NMT1: variants seen among roughly 807,000 people sequenced by gnomAD.
NMT1 encodes the protein glycylpeptide N-tetradecanoyltransferase 1.
In NMT1, 12 loss-of-function variants were observed where a neutral mutation model predicts 63.4. The ratio of observed to expected loss-of-function variants is 0.19; its 90% confidence interval spans 0.12 to 0.31. The LOEUF (loss-of-function observed/expected upper bound fraction) is 0.31, where lower values mean the gene tolerates loss of function less well. Among genes scored for constraint, NMT1 ranks in the 10% least tolerant of loss-of-function variants. The probability of loss-of-function intolerance (pLI) is 1.00; values close to 1 mark genes in which losing one functional copy is unlikely to be tolerated. For synonymous variants in NMT1, 228 were observed against 234.3 expected, an observed-to-expected ratio of 0.97 and a Z score of 0.25; for missense variants, 432 against 634.6, an observed-to-expected ratio of 0.68 and a Z score of 3.43.
In NMT1 at chr17:45,105,663, T is replaced by G. The variant is rs1462863066; in HGVS notation, c.*24T>G. ...AACCAGTCACCAGTGCGATTCTGGA[T>G]AAAGCCACTGAAAATTCGAACCAGG... On this transcript the variant is annotated 3_prime_UTR_variant, in exon 12 of 12. Transcript: ENST00000258960. This position sits in a 1 kb window ranked among gnomAD's most constrained non-coding sequence, Gnocchi z 4.2. 1 of 1,608,742 alleles carries G rather than the reference T, an allele frequency of 6.2e-7. No individual in the cohort carries two copies. The highest frequency in any genetic ancestry group is 1.7e-5 in the Admixed American group (1 of 58,774).
Position 45,098,504 on chromosome 17 carries a change from C to G in NMT1, c.836C>G (p.Ala279Gly), listed in dbSNP as rs1196654054. Reference sequence around the variant, plus strand: ...GTTCACCTGGAGGGCATCTTCCAAGCAGTTTACACTGCCGGGGTGGTACTA... The same window carrying G: ...GTTCACCTGGAGGGCATCTTCCAAGGAGTTTACACTGCCGGGGTGGTACTA... The part of the protein sequence containing the change: ...RRVHLEGIFQ[A>G]VYTAGVVLPK... The change falls in exon 7 of 12, where the codon GCA (alanine) becomes GGA (glycine). Residue 279 changes from alanine to glycine, a missense_variant. This residue lies in a region of NMT1 where 295 missense variants were observed against 489.7 expected (regional missense o/e 0.60). Transcript: ENST00000258960. The G allele has an allele frequency of 6.2e-7, 1 of 1,614,104 alleles. No individual in the cohort carries two copies. The highest frequency in any genetic ancestry group is 8.5e-7 in the Non-Finnish European group (1 of 1,180,040).
Position 45,104,492 on chromosome 17 carries a change from C to T in NMT1, c.1333-367C>T. On this transcript the variant is annotated intron_variant, in intron 10 of 11. Coordinates refer to ENST00000258960, the MANE Select transcript of NMT1 (RefSeq NM_021079.5). The surrounding 1 kb of genome is among the most constrained non-coding windows in gnomAD (Gnocchi z 4.2). ...ATGGAGTAAGGAAGCAACACAAACC[C>T]CATGTAGCTGACCAGAGCCAGCTTC... 3 of 1,107,936 alleles carry T rather than the reference C, an allele frequency of 2.7e-6. No individual in the cohort carries two copies. The highest frequency in any genetic ancestry group is 3.3e-6 in the Non-Finnish European group (3 of 904,248). The allele number at this position is 1,107,936 out of a possible 1,614,324, so 68.6% of individuals were successfully genotyped here.
Position 45,103,169 on chromosome 17 carries a change from G to A in NMT1, c.1164+48G>A, listed in dbSNP as rs765871390. ...AGGTCTCTAACACGTTCCCAGAGAG[G>A]CACCCCCCTGAGTGGCCGGGTTCCC... On this transcript the variant is annotated intron_variant, in intron 9 of 11. Coordinates refer to ENST00000258960, the MANE Select transcript of NMT1 (RefSeq NM_021079.5). The surrounding 1 kb of genome is among the most constrained non-coding windows in gnomAD (Gnocchi z 4.8). 1.3e-6 allele frequency: 2 copies of A among 1,562,946 alleles called. No homozygotes were observed. Among genetic ancestry groups the A allele is most frequent in the South Asian group, 1.2e-5 (1 of 85,780 alleles).
At chr17:45,100,249 C>T (rs1359849829) in intron 8 of NMT1, among the ~76,000 whole-genome samples, 1 of 152,118 alleles carries the variant, frequency 6.6e-6, no homozygotes, top group South Asian at 2.1e-4. Context: ...CCGCCATGCC[C>T]GGCCAATTTT....
intron 3 of NMT1, among the ~76,000 whole-genome samples, chr17:45,092,536 GA>G (rs373277962): frequency 1.1e-4 from 16 of 140,108 alleles, no homozygotes; most frequent in South Asian, 4.6e-4. Flanking sequence ...CATCTCTACT[GA>G]AAAAAAAAAA....
chr17:45,104,697 C>G lies in NMT1; in HGVS notation c.1333-162C>G. On this transcript the variant is annotated intron_variant, in intron 10 of 11. Coordinates refer to ENST00000258960, the MANE Select transcript of NMT1 (RefSeq NM_021079.5). The surrounding 1 kb of genome is among the most constrained non-coding windows in gnomAD (Gnocchi z 4.2). ...GGGGGCGCTCAGAGTGTCCTGAGAA[C>G]CACCCGGAGAGCGGGGATTAACGTG... 6.9e-7 allele frequency: 1 copy of G among 1,450,032 alleles called. No homozygotes were observed. Among genetic ancestry groups the G allele is most frequent in the Non-Finnish European group, 9.1e-7 (1 of 1,104,232 alleles). The allele number at this position is 1,450,032 out of a possible 1,614,324, so 89.8% of individuals were successfully genotyped here. A position where few individuals can be genotyped will look rare whatever the true frequency, so the allele number is the denominator to read the frequency against.
At position 45,098,518 on chromosome 17, in the gene NMT1, G is replaced by A; in HGVS notation, c.850G>A (p.Gly284Arg). Residue 284 changes from glycine to arginine, a missense_variant, in exon 7 of 12, where the codon GGG (glycine) becomes AGG (arginine). This residue lies in a region of NMT1 where 295 missense variants were observed against 489.7 expected (regional missense o/e 0.60). Coordinates refer to ENST00000258960, the MANE Select transcript of NMT1 (RefSeq NM_021079.5). Reference sequence around the variant, plus strand: ...CATCTTCCAAGCAGTTTACACTGCCGGGGTGGTACTACCAAAGCCCGTTGG... The same window carrying A: ...CATCTTCCAAGCAGTTTACACTGCCAGGGTGGTACTACCAAAGCCCGTTGG... ...EGIFQAVYTA[G>R]VVLPKPVGTC... 6.2e-7 allele frequency: 1 copy of A among 1,614,160 alleles called. No homozygotes were observed. The highest frequency in any genetic ancestry group is 8.5e-7 in the Non-Finnish European group (1 of 1,180,016).
At chr17:45,066,753 C>T (rs1186590526) in intron 1 of NMT1, among the ~76,000 whole-genome samples, 1 of 152,216 alleles carries the variant, frequency 6.6e-6, no homozygotes, top group East Asian at 1.9e-4. Context: ...CTCGCTCTGT[C>T]GTCCAGGCTA....
chr17:45,087,975 GA>G (rs1159328833), intron 3 of NMT1, among the ~76,000 whole-genome samples: 1 of 152,236 alleles, frequency 6.6e-6, no homozygotes, highest in Non-Finnish European at 1.5e-5. Context: ...CAAAGCTGCA[GA>G]ATCAGAACTG....
In NMT1 at chr17:45,089,933, T is replaced by C. The variant is rs1335490875; in HGVS notation, c.385+3281T>C. Among the ~76,000 whole-genome samples the C allele has an allele frequency of 2.6e-5, 4 of 152,088 alleles. No homozygotes were observed. In the East Asian group the frequency reaches 7.8e-4, roughly 30 times the overall value. Reference sequence around the variant, plus strand: ...GATTATAGGCGTGAGCCACTGCACCTGACTGAGACCTGCAATTCTTTAGAA... The same window carrying C: ...GATTATAGGCGTGAGCCACTGCACCCGACTGAGACCTGCAATTCTTTAGAA... On this transcript the variant is annotated intron_variant, in intron 3 of 11. Transcript: ENST00000258960.
intron 2 of NMT1, among the ~76,000 whole-genome samples, chr17:45,085,267 T>C (rs1184510885): frequency 6.6e-6 from 1 of 151,740 alleles, no homozygotes; most frequent in Non-Finnish European, 1.5e-5. Context: ...AAAAAAGAAA[T>C]TCACTGCAAC....
At chr17:45,100,251 G>A (rs2054152742) in intron 8 of NMT1, among the ~76,000 whole-genome samples, 1 of 152,194 alleles carries the variant, frequency 6.6e-6, no homozygotes, top group African/African-American at 2.4e-5. Context: ...GCCATGCCCG[G>A]CCAATTTTTG....
Position 45,079,689 on chromosome 17 carries a change from TTTTA to T in NMT1, c.132-1939_132-1936del, listed in dbSNP as rs567259232. ...ACGTGCATACACACAGACATGTTTCTTTTATTTATTTATTTATTTTTATTTTTTG... is the reference window on the plus strand; with the variant it reads ...ACGTGCATACACACAGACATGTTTCTTTTATTTATTTATTTTTATTTTTTG... On this transcript the variant is annotated intron_variant, in intron 1 of 11. Transcript: ENST00000258960. Among the ~76,000 whole-genome samples the T allele has an allele frequency of 7.2e-5, 11 of 152,288 alleles. No individual in the cohort carries two copies. The South Asian group carries it at 1.5e-3, about 20-fold the overall frequency.
chr17:45,086,671 T>G lies in NMT1; in HGVS notation c.385+19T>G, dbSNP rs765977572. On this transcript the variant is annotated intron_variant, in intron 3 of 11. Coordinates refer to ENST00000258960, the MANE Select transcript of NMT1 (RefSeq NM_021079.5). ...AAGCTGGGTATGTACATGCTTGCTTTCTTTGCCAGGTCAGGGGCGAGGGAT... is the reference window on the plus strand; with the variant it reads ...AAGCTGGGTATGTACATGCTTGCTTGCTTTGCCAGGTCAGGGGCGAGGGAT... 6 of 1,594,082 alleles carry G rather than the reference T, an allele frequency of 3.8e-6. No homozygotes were observed. Among genetic ancestry groups the G allele is most frequent in the Middle Eastern group, 1.7e-4 (1 of 5,970 alleles).
At chr17:45,085,554 A>G (rs16939799) in intron 2 of NMT1, among the ~76,000 whole-genome samples, 8,983 of 147,154 alleles carry the variant, frequency 0.061, 303 homozygotes, top group Middle Eastern at 0.095. Flanking sequence ...AGTGAAGACT[A>G]TTGATCACAA....
rs1435525955 is a variant in NMT1 at position 45,085,357 on chromosome 17, A to C, written c.241-1151A>C. On this transcript the variant is annotated intron_variant, in intron 2 of 11. Coordinates refer to ENST00000258960, the MANE Select transcript of NMT1 (RefSeq NM_021079.5). ...GCTAAATATACTGTGGTCCATACAT[A>C]CAGTGGACTTGGTAGAATGGGTAGG... Among the ~76,000 whole-genome samples the C allele has an allele frequency of 2.0e-5, 3 of 152,238 alleles. No individual in the cohort carries two copies. In the East Asian group the frequency reaches 5.8e-4, roughly 29 times the overall value.
chr17:45,075,688 T>C (rs1422909713), intron 1 of NMT1, among the ~76,000 whole-genome samples: 1 of 151,906 alleles, frequency 6.6e-6, no homozygotes, highest in East Asian at 1.9e-4. Context: ...GGAGAATCGC[T>C]GAACCCAGGA....
rs985161494 is a variant in NMT1, at chr17:45,099,438, G to A, written c.918G>A (p.Leu306=). The change falls in exon 8 of 12, where the codon CTG becomes CTA. Residue 306 remains leucine (L), a synonymous_variant. Transcript: ENST00000258960. ...YWHRSLNPRK[L]IEVKFSHLSR... ...ATCGGTCCCTAAACCCACGGAAGCT[G>A]ATTGAAGTGAAGTTCTCCCACCTGA... is the stretch of plus-strand genomic sequence containing the variant. 6.2e-7 allele frequency: 1 copy of A among 1,614,122 alleles called. No homozygotes were observed. The highest frequency in any genetic ancestry group is 8.5e-7 in the Non-Finnish European group (1 of 1,179,940).
At chr17:45,072,808 C>G (rs2143462330) in intron 1 of NMT1, among the ~76,000 whole-genome samples, 1 of 151,780 alleles carries the variant, frequency 6.6e-6, no homozygotes, top group Middle Eastern at 3.4e-3. Flanking sequence ...ATCCACCCGC[C>G]TCGGCCTCCC....
Sources: allele counts gnomAD v4.1 joint callset (sites outside exome capture counted in the v4.1 genomes callset), GRCh38; gene constraint gnomAD v4.1.1; regional missense constraint gnomAD v4.1.1; non-coding constraint Gnocchi (gnomAD v3.1); transcripts MANE v1.5; gene names NCBI Gene and HGNC (gene_info 2026-07-23, HGNC 2026-07-21).